The following MTUS2 variants were observed in gnomAD, a reference collection of about 807,000 sequenced individuals.
MTUS2 encodes microtubule associated scaffold protein 2.
In MTUS2, 40 loss-of-function variants were observed where a neutral mutation model predicts 114.1. The observed-to-expected ratio is 0.35, with a 90% CI of 0.27 to 0.46. The LOEUF is 0.46. Ranked by LOEUF, MTUS2 falls within the 20% of genes least tolerant of loss-of-function variation. The pLI, the probability that MTUS2 is intolerant of heterozygous loss-of-function variation, is 1.00. For missense variants in MTUS2, 1,679 were observed against 1,705.4 expected, an observed-to-expected ratio of 0.98 and a Z score of 0.27; for synonymous variants, 688 against 672.0, an observed-to-expected ratio of 1.02 and a Z score of -0.37.
intron 2 of MTUS2, among the ~76,000 whole-genome samples, chr13:28,881,809 A>T (rs1436009921): frequency 6.6e-6 from 1 of 152,236 alleles, no homozygotes; most frequent in Non-Finnish European, 1.5e-5. Flanking sequence ...TTGAAAAAAG[A>T]TGACAGTTTT....
intron 1 of MTUS2, among the ~76,000 whole-genome samples, chr13:28,825,792 A>G (rs534951577): frequency 2.0e-5 from 3 of 152,156 alleles, no homozygotes; most frequent in African/African-American, 7.2e-5. Flanking sequence ...CAACCAAAAC[A>G]CAAATCTCTC....
intron 2 of MTUS2, among the ~76,000 whole-genome samples, chr13:28,845,576 T>G (rs1875817239): frequency 6.6e-6 from 1 of 152,062 alleles, no homozygotes; most frequent in South Asian, 2.1e-4. Flanking sequence ...GGAAAAAAAT[T>G]ATCCTTTATG....
rs965795172 is a variant in MTUS2, at chr13:29,203,642, C to T, written c.2645-78062C>T. ...ACAATTTTGTGCTTCAAATCCAGGG[C>T]CCTGGTGGCATAGGCACCCAAGGGA... On this transcript the variant is annotated intron_variant, in intron 5 of 15. Transcript: ENST00000612955. 4.6e-5 allele frequency among the ~76,000 whole-genome samples: 7 copies of T among 151,494 alleles called. No homozygotes were observed. In the East Asian group the frequency reaches 1.4e-3, roughly 29 times the overall value.
At chr13:29,477,369 A>G (rs573737507) in intron 9 of MTUS2, among the ~76,000 whole-genome samples, 2 of 151,942 alleles carry the variant, frequency 1.3e-5, no homozygotes, top group Non-Finnish European at 1.5e-5. Context: ...CGCTAGCTCA[A>G]CTCCCTGGTG....
At chr13:29,351,611 T>G (rs1323483244) in intron 7 of MTUS2, among the ~76,000 whole-genome samples, 3 of 150,584 alleles carry the variant, frequency 2.0e-5, no homozygotes, top group South Asian at 2.1e-4. Context: ...AGTTTTTTTG[T>G]TTGTTTTTTT....
intron 8 of MTUS2, among the ~76,000 whole-genome samples, chr13:29,405,181 A>G (rs1193385670): frequency 6.6e-6 from 1 of 152,220 alleles, no homozygotes; most frequent in Non-Finnish European, 1.5e-5. Context: ...GACACTGAGG[A>G]GTAACTTAAT....
chr13:29,371,893 C>A (rs192450505), intron 8 of MTUS2, among the ~76,000 whole-genome samples: 2 of 150,838 alleles, frequency 1.3e-5, no homozygotes, highest in Non-Finnish European at 2.9e-5. Flanking sequence ...GCCTAATGTT[C>A]AGCATGGTGA....
intron 7 of MTUS2, among the ~76,000 whole-genome samples, chr13:29,339,211 G>A (rs372269001): frequency 8.5e-5 from 13 of 152,258 alleles, no homozygotes; most frequent in South Asian, 2.1e-4. Context: ...GGCTGTGGCC[G>A]GCGTACTTCC....
intron 5 of MTUS2, among the ~76,000 whole-genome samples, chr13:29,130,750 C>G (rs1433089650): frequency 6.6e-6 from 1 of 152,070 alleles, no homozygotes; most frequent in Non-Finnish European, 1.5e-5. Flanking sequence ...CTCAGCCTCC[C>G]AAGTAGCTGG....
intron 8 of MTUS2, among the ~76,000 whole-genome samples, chr13:29,406,651 G>A (rs977484894): frequency 3.3e-5 from 5 of 152,216 alleles, no homozygotes; most frequent in African/African-American, 1.2e-4. Context: ...GTGTGGGACA[G>A]GACCACAACA....
intron 4 of MTUS2, among the ~76,000 whole-genome samples, chr13:29,045,634 C>A (rs1887579749): frequency 6.6e-6 from 1 of 152,178 alleles, no homozygotes; most frequent in Non-Finnish European, 1.5e-5. Context: ...TGCTACATAA[C>A]CATGGTGGAG....
intron 7 of MTUS2, among the ~76,000 whole-genome samples, chr13:29,347,556 C>T (rs1868819787): frequency 6.6e-6 from 1 of 152,044 alleles, no homozygotes; most frequent in South Asian, 2.1e-4. Context: ...TTCCTCTCCT[C>T]ACAGCACCTC....
chr13:29,144,509 A>G (rs1892352418), intron 5 of MTUS2, among the ~76,000 whole-genome samples: 1 of 152,066 alleles, frequency 6.6e-6, no homozygotes, highest in Non-Finnish European at 1.5e-5. Flanking sequence ...GATTACAGGA[A>G]TGAGCCACTG....
At chr13:28,905,245 T>C (rs1250222405) in intron 2 of MTUS2, among the ~76,000 whole-genome samples, 8 of 151,568 alleles carry the variant, frequency 5.3e-5, no homozygotes, top group Non-Finnish European at 8.8e-5. Context: ...ATGCCCTTTA[T>C]TTCCTTCTCC....
intron 2 of MTUS2, among the ~76,000 whole-genome samples, chr13:28,899,600 C>T (rs766718313): frequency 2.0e-5 from 3 of 151,918 alleles, no homozygotes; most frequent in Non-Finnish European, 4.4e-5. Context: ...TTAGTAGAGA[C>T]GGGGTTTCAC....
chr13:29,356,270 C>T (rs533567441), intron 7 of MTUS2, among the ~76,000 whole-genome samples: 1 of 152,326 alleles, frequency 6.6e-6, no homozygotes, highest in South Asian at 2.1e-4. Flanking sequence ...ACCAACACCA[C>T]TTCTCATCCC....
chr13:29,174,040 G>A (rs987987497), intron 5 of MTUS2, among the ~76,000 whole-genome samples: 5 of 152,124 alleles, frequency 3.3e-5, no homozygotes, highest in Admixed American at 6.6e-5. Context: ...CTTGCAAAGG[G>A]AGTCTGATTT....
chr13:29,375,339 GCAAACCC>G lies in MTUS2; in HGVS notation c.3117+15867_3117+15873del, dbSNP rs1871506111. Among the ~76,000 whole-genome samples the G allele has an allele frequency of 1.4e-5, 2 of 147,714 alleles. 1 individual carries two copies. Among genetic ancestry groups the G allele is most frequent in the Non-Finnish European group, 3.0e-5 (2 of 67,298 alleles). ...AGCCATTACTTTTGCGGTTTTAATG[GCAAACCC>G]GCAATTACTTACTTTTAATGGCAAA... On this transcript the variant is annotated intron_variant, in intron 8 of 15. Coordinates refer to ENST00000612955, the MANE Select transcript of MTUS2 (RefSeq NM_001033602.4).
intron 2 of MTUS2, among the ~76,000 whole-genome samples, chr13:29,001,371 G>T (rs935592542): frequency 1.3e-5 from 2 of 152,196 alleles, no homozygotes; most frequent in African/African-American, 4.8e-5. Flanking sequence ...GTTGGGAGAA[G>T]TAGTCAGATG....
Sources: allele counts gnomAD v4.1 joint callset (sites outside exome capture counted in the v4.1 genomes callset), GRCh38; gene constraint gnomAD v4.1.1; transcripts MANE v1.5; gene names NCBI Gene and HGNC (gene_info 2026-07-23, HGNC 2026-07-21).